The following KAZN variants were observed in gnomAD, a reference collection of about 807,000 sequenced individuals.
KAZN encodes kazrin.
In KAZN, 40 loss-of-function variants were observed where a neutral mutation model predicts 87.4. The ratio of observed to expected loss-of-function variants is 0.46; its 90% confidence interval spans 0.36 to 0.60. The LOEUF (loss-of-function observed/expected upper bound fraction) is 0.60, where lower values mean the gene tolerates loss of function less well. Ranked by LOEUF, KAZN falls within the 20% of genes least tolerant of loss-of-function variation. The pLI, the probability that KAZN is intolerant of heterozygous loss-of-function variation, is 0.00. For synonymous variants in KAZN, 466 were observed against 458.3 expected (o/e 1.02, Z -0.22); for missense variants, 898 against 1,073.9 (o/e 0.84, Z 2.29).
intron 2 of KAZN, among the ~76,000 whole-genome samples, chr1:14,370,895 T>C (rs534689838): frequency 6.6e-6 from 1 of 152,116 alleles, no homozygotes; most frequent in Admixed American, 6.5e-5. Flanking sequence ...GTGTTGTCCA[T>C]GCTGATTTCA....
intron 2 of KAZN, among the ~76,000 whole-genome samples, chr1:14,494,313 G>A (rs991518465): frequency 2.6e-5 from 4 of 152,190 alleles, no homozygotes; most frequent in Admixed American, 6.5e-5. Flanking sequence ...TGTATAGTAT[G>A]AGCACACAAC....
At chr1:14,763,064 G>A (rs1436193186) in intron 1 of KAZN, among the ~76,000 whole-genome samples, 1 of 152,142 alleles carries the variant, frequency 6.6e-6, no homozygotes, top group African/African-American at 2.4e-5. Context: ...TTTTGACACC[G>A]AATCTTGGTC....
intron 1 of KAZN, among the ~76,000 whole-genome samples, chr1:13,954,563 A>G (rs567228592): frequency 6.6e-6 from 1 of 152,326 alleles, no homozygotes; most frequent in South Asian, 2.1e-4. Context: ...TTCATAGGGA[A>G]TGCTTGTGTT....
chr1:14,146,371 C>G (rs1645348807), intron 1 of KAZN, among the ~76,000 whole-genome samples: 1 of 151,350 alleles, frequency 6.6e-6, no homozygotes, highest in African/African-American at 2.4e-5. Context: ...CCTGTCTCTA[C>G]TAAAAATACA....
intron 2 of KAZN, among the ~76,000 whole-genome samples, chr1:14,456,293 T>C (rs1667562523): frequency 6.6e-6 from 1 of 152,248 alleles, no homozygotes; most frequent in African/African-American, 2.4e-5. Flanking sequence ...ACATGTTCAT[T>C]AAAGTCTTTT....
At chr1:14,857,035 G>C (rs552507818) in intron 1 of KAZN, among the ~76,000 whole-genome samples, 2 of 152,306 alleles carry the variant, frequency 1.3e-5, no homozygotes, top group South Asian at 4.1e-4. Flanking sequence ...TGGATGTCAG[G>C]GGAGAGAAGG....
At chr1:14,580,133 T>C (rs1571976198) in intron 2 of KAZN, among the ~76,000 whole-genome samples, 1 of 152,178 alleles carries the variant, frequency 6.6e-6, no homozygotes, top group Admixed American at 6.5e-5. Context: ...GGTAATTAAT[T>C]TGTGTTGCAG....
At position 13,995,073 on chromosome 1, in the gene KAZN, G is replaced by A. The variant is rs186986328; in HGVS notation, c.91+101317G>A. Reference sequence around the variant, plus strand: ...CTGACTCAGAGTAGGAGAATATTCCGTTAATCCAACAAAGATCTACAAAAA... The same window carrying A: ...CTGACTCAGAGTAGGAGAATATTCCATTAATCCAACAAAGATCTACAAAAA... On this transcript the variant is annotated intron_variant, in intron 1 of 16. Transcript: ENST00000636203. Among the ~76,000 whole-genome samples, 267 of 152,072 alleles carry A rather than the reference G, an allele frequency of 1.8e-3. 2 individuals are homozygous for A. Among genetic ancestry groups the A allele is most frequent in the Middle Eastern group, 0.014 (4 of 294 alleles).
intron 1 of KAZN, among the ~76,000 whole-genome samples, chr1:14,630,634 C>T (rs1374082197): frequency 6.6e-6 from 1 of 152,144 alleles, no homozygotes; most frequent in Non-Finnish European, 1.5e-5. Flanking sequence ...GCTTTGTAAG[C>T]CATAAAATGC....
In KAZN at chr1:14,136,513, C is replaced by CA. The variant is rs1645112486; in HGVS notation, c.92-43921dup. Among the ~76,000 whole-genome samples the CA allele has an allele frequency of 7.2e-5, 11 of 152,168 alleles. No homozygotes were observed. The South Asian group carries it at 2.3e-3, about 32-fold the overall frequency. On this transcript the variant is annotated intron_variant, in intron 1 of 16. Transcript: ENST00000636203. The stretch of plus-strand genomic sequence containing the variant: ...GACGCTTTGTTGAAATACAGGACAT[C>CA]AGTGGCAAAATCCTCCTCAGTCACG...
chr1:13,896,338 G>A (rs1041078508), intron 1 of KAZN, among the ~76,000 whole-genome samples: 1 of 148,932 alleles, frequency 6.7e-6, no homozygotes, highest in Non-Finnish European at 1.5e-5. Flanking sequence ...GGGCCAGGCT[G>A]TAGTGCAGTG....
At chr1:14,540,611 C>T (rs569654294) in intron 2 of KAZN, among the ~76,000 whole-genome samples, 54 of 152,168 alleles carry the variant, frequency 3.5e-4, no homozygotes, top group Non-Finnish European at 6.3e-4. Flanking sequence ...GATCATACTG[C>T]CCCATGACTC....
At chr1:14,859,696 C>T (rs1383140369) in intron 1 of KAZN, among the ~76,000 whole-genome samples, 6 of 152,196 alleles carry the variant, frequency 3.9e-5, no homozygotes, top group Admixed American at 6.5e-5. Context: ...AATGTCTTTT[C>T]TCTATCACAG....
intron 2 of KAZN, among the ~76,000 whole-genome samples, chr1:14,439,169 GTCT>G (rs1666562571): frequency 6.6e-6 from 1 of 152,148 alleles, no homozygotes; most frequent in Admixed American, 6.5e-5. Flanking sequence ...TGCTCACAGT[GTCT>G]TCTTCTCAGA....
At chr1:14,168,328 C>A (rs1005157032) in intron 1 of KAZN, among the ~76,000 whole-genome samples, 1 of 152,172 alleles carries the variant, frequency 6.6e-6, no homozygotes, top group Non-Finnish European at 1.5e-5. Context: ...GCCCGTGGAA[C>A]AAGGCATGGT....
At chr1:14,568,407 A>G (rs1265849499) in intron 2 of KAZN, among the ~76,000 whole-genome samples, 2 of 152,220 alleles carry the variant, frequency 1.3e-5, no homozygotes, top group African/African-American at 4.8e-5. Context: ...TATAAAGAAA[A>G]AGAGGTTCAG....
At chr1:14,117,580 TG>T (rs1340053635) in intron 1 of KAZN, among the ~76,000 whole-genome samples, 1 of 151,886 alleles carries the variant, frequency 6.6e-6, no homozygotes, top group African/African-American at 2.4e-5. Context: ...ACCATTACAC[TG>T]GGGGTTGGGT....
chr1:14,333,971 A>C (rs1192602312), intron 2 of KAZN, among the ~76,000 whole-genome samples: 1 of 152,142 alleles, frequency 6.6e-6, no homozygotes, highest in Non-Finnish European at 1.5e-5. Context: ...TGGTCATCAT[A>C]AGGACTTTGG....
intron 1 of KAZN, among the ~76,000 whole-genome samples, chr1:14,759,281 C>T (rs1388250033): frequency 2.0e-5 from 3 of 152,146 alleles, no homozygotes; most frequent in Admixed American, 6.5e-5. Flanking sequence ...GAGAGCATCG[C>T]ACCGTGGCTT....
Sources: gnomAD v4.1 joint callset for allele counts (sites outside exome capture counted in the v4.1 genomes callset) on GRCh38, gnomAD v4.1.1 for gene constraint, MANE v1.5 for transcripts, NCBI Gene and HGNC (gene_info 2026-07-23, HGNC 2026-07-21) for gene names.